The following TEC variants were observed in gnomAD, a reference collection of about 807,000 sequenced individuals.
TEC encodes the protein tyrosine-protein kinase Tec.
TEC carries 72 observed loss-of-function variants against 93.0 expected under a neutral mutation model. That is an observed-to-expected ratio of 0.77 (90% CI 0.64 to 0.94). TEC has a LOEUF of 0.94. TEC is among the 40% of genes least tolerant of loss of function. The pLI is 0.00. For synonymous variants in TEC, 249 were observed against 247.7 expected (o/e 1.01, Z -0.05); for missense variants, 630 against 757.9 (o/e 0.83, Z 1.98).
At chr4:48,199,845 C>T (rs1225833488) in intron 2 of TEC, among the ~76,000 whole-genome samples, 2 of 152,106 alleles carry the variant, frequency 1.3e-5, no homozygotes, top group African/African-American at 4.8e-5. Flanking sequence ...TTACCATATG[C>T]CAGTTTTGCT....
rs921324755 is a variant in TEC, at chr4:48,137,611, G to A, written c.1813-112C>T. ...TTACAGAGAGACTTCACTGCTTTGGGACTAGGACATACAGGCATCTCCAAA... is the reference window on the plus strand; with the variant it reads ...TTACAGAGAGACTTCACTGCTTTGGAACTAGGACATACAGGCATCTCCAAA... On this transcript the variant is annotated intron_variant, in intron 17 of 17. Coordinates refer to ENST00000381501, the MANE Select transcript of TEC (RefSeq NM_003215.3). 18 of 852,770 alleles carry A rather than the reference G, an allele frequency of 2.1e-5. No homozygotes were observed. The African/African-American group carries it at 2.5e-4, about 12-fold the overall frequency. 52.8% of individuals were successfully genotyped at this position (852,770 alleles called of 1,614,324 possible). A position where few individuals can be genotyped will look rare whatever the true frequency, so the allele number is the denominator to read the frequency against.
chr4:48,236,113 G>C (rs531472975), intron 1 of TEC, among the ~76,000 whole-genome samples: 33 of 152,094 alleles, frequency 2.2e-4, no homozygotes, highest in Middle Eastern at 3.4e-3. Flanking sequence ...TGACTTTCAG[G>C]GCATCATTAA....
intron 1 of TEC, among the ~76,000 whole-genome samples, chr4:48,262,413 T>C (rs1030677757): frequency 2.6e-5 from 4 of 151,902 alleles, no homozygotes; most frequent in Non-Finnish European, 5.9e-5. Flanking sequence ...GCCAGGCTGG[T>C]CTTGAACTCC....
At chr4:48,226,248 T>C (rs1723456115) in intron 2 of TEC, among the ~76,000 whole-genome samples, 1 of 152,156 alleles carries the variant, frequency 6.6e-6, no homozygotes. Context: ...AGTAAAAAAA[T>C]TGCATTTTAC....
chr4:48,163,702 T>G lies in TEC; in HGVS notation c.737A>C (p.Glu246Ala). The change falls in exon 8 of 18, where the codon GAA becomes GCA. Residue 246 changes from glutamate (E) to alanine (A), a missense_variant and splice_region_variant. Glu to Ala is a moderately radical substitution (Grantham distance 107). Transcript: ENST00000381501. ...ATTCACAAAATAAACATTTACTTAC[T>G]CATATTGATCTAAGTTGTTTGATTT... ...GKKSNNLDQY[E>A]WYCRNMNRSK... 1 of 1,458,734 alleles carries G rather than the reference T, an allele frequency of 6.9e-7. No individual in the cohort carries two copies. The highest frequency in any genetic ancestry group is 9.3e-7 in the Non-Finnish European group (1 of 1,074,774). The allele number at this position is 1,458,734 out of a possible 1,614,324, so 90.4% of individuals were successfully genotyped here. A position where few individuals can be genotyped will look rare whatever the true frequency, so the allele number is the denominator to read the frequency against.
chr4:48,252,520 T>C (rs1173927703), intron 1 of TEC, among the ~76,000 whole-genome samples: 1 of 152,226 alleles, frequency 6.6e-6, no homozygotes, highest in Non-Finnish European at 1.5e-5. Context: ...CTGGGTGATC[T>C]TGGGTGAGTC....
intron 1 of TEC, among the ~76,000 whole-genome samples, chr4:48,255,102 AAAGG>A: frequency 6.6e-6 from 1 of 152,166 alleles, no homozygotes; most frequent in East Asian, 1.9e-4. Context: ...AACAACAACA[AAAGG>A]AACACATTGG....
chr4:48,138,333 T>A (rs1430347465), intron 17 of TEC, among the ~76,000 whole-genome samples: 1 of 152,078 alleles, frequency 6.6e-6, no homozygotes, highest in Non-Finnish European at 1.5e-5. Flanking sequence ...GGTAAAAAAA[T>A]AATACTTCAA....
At chr4:48,184,651 A>G (rs939280381) in intron 2 of TEC, among the ~76,000 whole-genome samples, 1 of 152,152 alleles carries the variant, frequency 6.6e-6, no homozygotes, top group Non-Finnish European at 1.5e-5. Context: ...TTTTGTGTTC[A>G]GTCTGTCTGT....
At chr4:48,228,745 C>T in intron 1 of TEC, 86 bp from the exon 2 acceptor site, 1 of 1,184,450 alleles carries the variant, frequency 8.4e-7, no homozygotes, top group African/African-American at 1.6e-5. Context: ...TCAGCTTCAC[C>T]CTCACCCCTG....
At chr4:48,176,773 C>T (rs187207833) in intron 2 of TEC, among the ~76,000 whole-genome samples, 88 of 152,206 alleles carry the variant, frequency 5.8e-4, no homozygotes, top group African/African-American at 2.0e-3. Context: ...TTGCTACCTG[C>T]CCCTGCCAGA....
intron 2 of TEC, among the ~76,000 whole-genome samples, chr4:48,186,250 C>G (rs1349601680): frequency 6.6e-6 from 1 of 152,152 alleles, no homozygotes. Flanking sequence ...CCCAAAGTGC[C>G]GAGATTGCAG....
chr4:48,177,340 A>G (rs921483519), intron 2 of TEC, among the ~76,000 whole-genome samples: 9 of 152,256 alleles, frequency 5.9e-5, no homozygotes, highest in African/African-American at 1.9e-4. Flanking sequence ...ATTGGTAGGT[A>G]TTCATATGAC....
rs752004552 is a variant in TEC at position 48,176,130 on chromosome 4, C to A, written c.195G>T (p.Val65=). The A allele has an allele frequency of 6.2e-7, 1 of 1,613,906 alleles. No homozygotes were observed. The highest frequency in any genetic ancestry group is 2.2e-5 in the East Asian group (1 of 44,866). Residue 65 remains valine, a synonymous_variant, in exon 3 of 18, where the codon GTG becomes GTT. Transcript: ENST00000381501. ...DVSKIKCVEI[V]KNDDGVIPCQ... is the part of the protein sequence containing the mutation. ...AGGGAATGACACCATCATCATTCTT[C>A]ACTATTTCCACACACTTGATTTTTG... is the stretch of plus-strand genomic sequence containing the variant.
chr4:48,256,594 CAAAAAAAAAAAAAA>C (rs34792955), intron 1 of TEC, among the ~76,000 whole-genome samples: 2 of 61,712 alleles, frequency 3.2e-5, no homozygotes, highest in African/African-American at 1.1e-4. Context: ...GACCTTGTCT[CAAAAAAAAAAAAAA>C]AAAAAAAAAA....
intron 1 of TEC, among the ~76,000 whole-genome samples, chr4:48,252,955 G>A (rs936121759): frequency 6.6e-6 from 1 of 152,162 alleles, no homozygotes; most frequent in Non-Finnish European, 1.5e-5. Flanking sequence ...GAAAAGCTGG[G>A]TTAAACAACA....
At chr4:48,166,839 C>A (rs916676848) in intron 7 of TEC, among the ~76,000 whole-genome samples, 1 of 151,524 alleles carries the variant, frequency 6.6e-6, no homozygotes, top group Non-Finnish European at 1.5e-5. Context: ...CTCATATATG[C>A]ACCATGCCTA....
chr4:48,191,592 CCATT>C (rs1722094003), intron 2 of TEC, among the ~76,000 whole-genome samples: 1 of 152,110 alleles, frequency 6.6e-6, no homozygotes, highest in South Asian at 2.1e-4. Context: ...AATAGCAGAA[CCATT>C]CTTTCTCTTA....
In TEC at chr4:48,136,293, A is replaced by G. The variant is rs1298073476; in HGVS notation, c.*1123T>C. ...AACAATCCCACCATCCAGGAACCCA[A>G]GTCCAACCAGGCCTCCTGAAAAACG... is the stretch of plus-strand genomic sequence containing the variant. On this transcript the variant is annotated 3_prime_UTR_variant, in exon 18 of 18. Transcript: ENST00000381501. 1 of 152,256 alleles carries G rather than the reference A, an allele frequency of 6.6e-6. No homozygotes were observed. Among genetic ancestry groups the G allele is most frequent in the Non-Finnish European group, 1.5e-5 (1 of 68,082 alleles). The allele number at this position is 152,256 out of a possible 1,614,324, so 9.4% of individuals were successfully genotyped here.
Sources: allele counts gnomAD v4.1 joint callset (sites outside exome capture counted in the v4.1 genomes callset), GRCh38; gene constraint gnomAD v4.1.1; transcripts MANE v1.5; gene names NCBI Gene and HGNC (gene_info 2026-07-23, HGNC 2026-07-21).